CMTM6: variants seen among roughly 807,000 people sequenced by gnomAD.
The protein encoded by CMTM6 is CKLF like MARVEL transmembrane domain containing 6.
A neutral mutation model predicts 13.6 loss-of-function variants in CMTM6; 5 were observed. That is an observed-to-expected ratio of 0.37 (90% CI 0.19 to 0.77). The LOEUF (loss-of-function observed/expected upper bound fraction) is 0.77, where lower values mean the gene tolerates loss of function less well. Among genes scored for constraint, CMTM6 ranks in the 30% least tolerant of loss-of-function variants. The pLI, the probability that CMTM6 is intolerant of heterozygous loss-of-function variation, is 0.50. For missense variants in CMTM6, 196 were observed against 218.6 expected (o/e 0.90, Z 0.65); for synonymous variants, 99 against 84.5 (o/e 1.17, Z -0.94).
In CMTM6 at chr3:32,488,260, T is replaced by C. The variant is rs2288591; in HGVS notation, c.316-224A>G. ...GGGCTGGGATTATTGAGAGAACACA[T>C]TACAAGATAAACTTTTAATAACAAC... is the stretch of plus-strand genomic sequence containing the variant. On this transcript the variant is annotated intron_variant, in intron 2 of 3. Transcript: ENST00000205636. The C allele has an allele frequency of 0.025, 9,463 of 375,080 alleles. 594 individuals are homozygous for C. The highest frequency in any genetic ancestry group is 0.18 in the East Asian group (4,339 of 23,764). The allele number at this position is 375,080 out of a possible 1,614,324, so 23.2% of individuals were successfully genotyped here.
At chr3:32,491,130 A>C (rs921555720) in intron 2 of CMTM6, among the ~76,000 whole-genome samples, 1 of 152,268 alleles carries the variant, frequency 6.6e-6, no homozygotes, top group African/African-American at 2.4e-5. Flanking sequence ...TGGTTCTAAC[A>C]GGATTCTGCT....
At position 32,502,557 on chromosome 3, in the gene CMTM6, G is replaced by C. The variant is rs1179412700; in HGVS notation, c.138+51C>G. The C allele has an allele frequency of 3.9e-6, 6 of 1,556,566 alleles. No homozygotes were observed. The African/African-American group carries it at 8.3e-5, about 21-fold the overall frequency. ...GAGCTCGGCGGCCTCCCAAGCCCGG[G>C]CCAGACCCCGCTCCCCAGCCCGGGC... On this transcript the variant is annotated intron_variant, in intron 1 of 3. Transcript: ENST00000205636.
At chr3:32,488,086 G>A in intron 2 of CMTM6, 50 bp from the exon 3 acceptor site, 1 of 1,257,308 alleles carries the variant, frequency 8.0e-7, no homozygotes, top group East Asian at 2.4e-5. Flanking sequence ...TTAGATTCAT[G>A]GAAATGAACT....
chr3:32,500,227 A>T (rs565472085), intron 1 of CMTM6, among the ~76,000 whole-genome samples: 121 of 152,302 alleles, frequency 7.9e-4, no homozygotes, highest in African/African-American at 2.6e-3. Context: ...TTAGTTTTTT[A>T]AAAAAATTAA....
At chr3:32,497,925 A>G (rs1697310703) in intron 1 of CMTM6, among the ~76,000 whole-genome samples, 1 of 152,180 alleles carries the variant, frequency 6.6e-6, no homozygotes, top group Non-Finnish European at 1.5e-5. Flanking sequence ...ACCAGCATTA[A>G]ATGCCAAAGT....
At position 32,481,461 on chromosome 3, in the gene CMTM6, CAAGTA is replaced by C. The variant is rs1373937808; in HGVS notation, c.*2494_*2498del. 4.6e-5 allele frequency: 7 copies of C among 151,888 alleles called. No individual in the cohort carries two copies. Among genetic ancestry groups the C allele is most frequent in the East Asian group, 1.9e-4 (1 of 5,184 alleles). 9.4% of individuals were successfully genotyped at this position (151,888 alleles called of 1,614,324 possible). A position where few individuals can be genotyped will look rare whatever the true frequency, so the allele number is the denominator to read the frequency against. Reference sequence around the variant, plus strand: ...CATTTCCCAGCCCCCAAACAAAACACAAGTATAGTAATTATAAAATTTTTGTACTG... The same window carrying C: ...CATTTCCCAGCCCCCAAACAAAACACTAGTAATTATAAAATTTTTGTACTG... On this transcript the variant is annotated 3_prime_UTR_variant, in exon 4 of 4. Coordinates refer to ENST00000205636, the MANE Select transcript of CMTM6 (RefSeq NM_017801.3).
rs980691650 is a variant in CMTM6, at chr3:32,502,844, G to A, written c.-99C>T. 4 of 1,321,818 alleles carry A rather than the reference G, an allele frequency of 3.0e-6. No individual in the cohort carries two copies. The highest frequency in any genetic ancestry group is 3.9e-6 in the Non-Finnish European group (4 of 1,028,002). The allele number at this position is 1,321,818 out of a possible 1,614,324, so 81.9% of individuals were successfully genotyped here. A position where few individuals can be genotyped will look rare whatever the true frequency, so the allele number is the denominator to read the frequency against. On this transcript the variant is annotated 5_prime_UTR_variant, in exon 1 of 4. Transcript: ENST00000205636. ...GCCGGGAGGCGGCCGTCACTTCCTG[G>A]GCCTTCTCCCCGGCTTCCGCCTGAC...
chr3:32,491,843 T>C lies in CMTM6; in HGVS notation c.182A>G (p.Gln61Arg). 1 of 1,613,268 alleles carries C rather than the reference T, an allele frequency of 6.2e-7. No homozygotes were observed. The highest frequency in any genetic ancestry group is 8.5e-7 in the Non-Finnish European group (1 of 1,179,722). ...LAFICEEVVS[Q>R]CTLCGGLYFF... ...ATAAAGTCCTCCACATAAAGTACAT[T>C]GTGATACAACTTCTTCACAGATGAA... The change falls in exon 2 of 4, where the codon CAA becomes CGA. Residue 61 changes from glutamine to arginine, a missense_variant. Physicochemically the swap from Gln to Arg is conservative, Grantham distance 43. Coordinates refer to ENST00000205636, the MANE Select transcript of CMTM6 (RefSeq NM_017801.3).
At chr3:32,495,003 T>A (rs1304247239) in intron 1 of CMTM6, among the ~76,000 whole-genome samples, 1 of 150,694 alleles carries the variant, frequency 6.6e-6, no homozygotes, top group Admixed American at 6.6e-5. Flanking sequence ...ATGTGGGACC[T>A]CCCTGTACTT....
intron 3 of CMTM6, among the ~76,000 whole-genome samples, chr3:32,485,019 A>G (rs547208951): frequency 6.6e-6 from 1 of 150,928 alleles, no homozygotes; most frequent in Non-Finnish European, 1.5e-5. Flanking sequence ...TTAATTATCA[A>G]CGCCTCCCAC....
intron 1 of CMTM6, among the ~76,000 whole-genome samples, chr3:32,497,811 C>G (rs1697309668): frequency 6.7e-6 from 1 of 148,896 alleles, no homozygotes; most frequent in South Asian, 2.1e-4. Flanking sequence ...TGAGCCGAGA[C>G]TGCACCACTG....
chr3:32,499,279 T>G (rs981355436), intron 1 of CMTM6, among the ~76,000 whole-genome samples: 7 of 152,200 alleles, frequency 4.6e-5, no homozygotes, highest in African/African-American at 1.7e-4. Context: ...AGCATCAATA[T>G]AAGAAATGCT....
intron 1 of CMTM6, among the ~76,000 whole-genome samples, chr3:32,496,869 A>T (rs2125659042): frequency 6.6e-6 from 1 of 152,312 alleles, no homozygotes; most frequent in African/African-American, 2.4e-5. Flanking sequence ...GGATGAAGAA[A>T]AAAATGGTTT....
At chr3:32,501,156 C>A (rs1697341300) in intron 1 of CMTM6, among the ~76,000 whole-genome samples, 1 of 150,110 alleles carries the variant, frequency 6.7e-6, no homozygotes. Context: ...CGCCACTGCC[C>A]CCAGCCTTGG....
In CMTM6 at chr3:32,502,802, T is replaced by C; in HGVS notation, c.-57A>G. ...CAACCGCGCCGTTGACTTCTCGGAC[T>C]CCAGAAGTCCCCGGTAGCCGGGAGG... On this transcript the variant is annotated 5_prime_UTR_variant, in exon 1 of 4. Coordinates refer to ENST00000205636, the MANE Select transcript of CMTM6 (RefSeq NM_017801.3). The C allele has an allele frequency of 2.2e-6, 3 of 1,371,272 alleles. No homozygotes were observed. The highest frequency in any genetic ancestry group is 1.9e-6 in the Non-Finnish European group (2 of 1,062,558). The allele number at this position is 1,371,272 out of a possible 1,614,324, so 84.9% of individuals were successfully genotyped here.
chr3:32,502,625 G>A lies in CMTM6; in HGVS notation c.121C>T (p.Leu41Phe). The change falls in exon 1 of 4, where the codon CTC becomes TTC. Residue 41 changes from leucine (L) to phenylalanine (F), a missense_variant. Transcript: ENST00000205636. ...GGACTCACCAGCTGCAAGCCCTTGA[G>A]AACGCGCCGGAGCAATGGGAGCCGG... Reference protein sequence around the residue: ...MGRLPLLRRVLKGLQLLLSLL... With the variant: ...MGRLPLLRRVFKGLQLLLSLL... The A allele has an allele frequency of 5.0e-6, 8 of 1,597,358 alleles. No individual in the cohort carries two copies. The highest frequency in any genetic ancestry group is 5.1e-6 in the Non-Finnish European group (6 of 1,173,882).
At chr3:32,501,027 C>A (rs1327779090) in intron 1 of CMTM6, among the ~76,000 whole-genome samples, 58 of 137,658 alleles carry the variant, frequency 4.2e-4, no homozygotes, top group African/African-American at 1.6e-3. Flanking sequence ...GAAACCCCGT[C>A]TCTACCAAAA....
intron 3 of CMTM6, among the ~76,000 whole-genome samples, chr3:32,486,246 G>A (rs1697203689): frequency 6.6e-6 from 1 of 152,166 alleles, no homozygotes; most frequent in African/African-American, 2.4e-5. Context: ...AAGATGATTT[G>A]TTGTCCAGTT....
At chr3:32,495,588 CTAAT>C (rs1300809717) in intron 1 of CMTM6, among the ~76,000 whole-genome samples, 2 of 152,144 alleles carry the variant, frequency 1.3e-5, no homozygotes, top group Admixed American at 6.5e-5. Flanking sequence ...GCCTAAAACT[CTAAT>C]TAGGGTCTGG....
Sources: gnomAD v4.1 joint callset for allele counts (sites outside exome capture counted in the v4.1 genomes callset) on GRCh38, gnomAD v4.1.1 for gene constraint, MANE v1.5 for transcripts, NCBI Gene and HGNC (gene_info 2026-07-23, HGNC 2026-07-21) for gene names.